PRH1: variants seen among roughly 807,000 people sequenced by gnomAD.
PRH1 encodes the protein proline rich protein HaeIII subfamily 1, also known as salivary acidic proline-rich phosphoprotein 1/2.
PRH1 carries 7 observed loss-of-function variants against 7.9 expected under a neutral mutation model. The observed-to-expected ratio is 0.89, with a 90% confidence interval of 0.50 to 1.67. PRH1 has a LOEUF of 1.67. Ranked by LOEUF, PRH1 falls within the 40% of genes most tolerant of loss-of-function variation. PRH1 has a pLI of 0.00. For synonymous variants in PRH1, 45 were observed against 80.8 expected, an observed-to-expected ratio of 0.56 and a Z score of 2.38; for missense variants, 109 against 223.6, an observed-to-expected ratio of 0.49 and a Z score of 3.27.
At chr12:10,893,019 T>G (rs867741825) in intron 2 of PRH1, among the ~76,000 whole-genome samples, 13 of 152,232 alleles carry the variant, frequency 8.5e-5, no homozygotes, top group Admixed American at 2.0e-4. Flanking sequence ...AAATCTTATA[T>G]CAATAACTGA....
chr12:10,984,082 A>C (rs1268711016), intron 1 of PRH1, among the ~76,000 whole-genome samples: 1 of 123,040 alleles, frequency 8.1e-6, no homozygotes, highest in Non-Finnish European at 1.9e-5. Flanking sequence ...GTTGGTAACT[A>C]ACTCAGTTTT....
rs546066515 is a variant in PRH1, at chr12:10,903,931, C to CAAAAAAAAAAAAAAAAA, written c.-58-19673_-58-19657dup. Among the ~76,000 whole-genome samples the CAAAAAAAAAAAAAAAAA allele has an allele frequency of 5.8e-3, 181 of 31,088 alleles. 3 individuals are homozygous for CAAAAAAAAAAAAAAAAA. The highest frequency in any genetic ancestry group is 8.5e-3 in the Non-Finnish European group (126 of 14,848). The allele number at this position is 31,088 out of a possible 152,430, so 20.4% of individuals were successfully genotyped here. A position where few individuals can be genotyped will look rare whatever the true frequency, so the allele number is the denominator to read the frequency against. On this transcript the variant is annotated intron_variant, in intron 2 of 3. Coordinates refer to the PRH1 transcript ENST00000539853. Reference sequence around the variant, plus strand: ...AATGCAATCCCATTTACAATAGCCTCAAAAAAAAAAAAAAAAAAAAAAACA... The same window carrying CAAAAAAAAAAAAAAAAA: ...AATGCAATCCCATTTACAATAGCCTCAAAAAAAAAAAAAAAAAAAAAAAAAAAAAAAAAAAAAAAACA...
intron 2 of PRH1, among the ~76,000 whole-genome samples, chr12:10,915,928 T>C (rs1949966166): frequency 6.6e-6 from 1 of 152,228 alleles, no homozygotes. Flanking sequence ...AACTTTAGTG[T>C]GCCTTAGTTG....
chr12:11,155,435 T>C (rs1947222798), intron 1 of PRH1, among the ~76,000 whole-genome samples: 1 of 152,190 alleles, frequency 6.6e-6, no homozygotes, highest in African/African-American at 2.4e-5. Flanking sequence ...ATTAGGTCAG[T>C]TGTTAAAAAT....
At position 11,156,868 on chromosome 12, in the gene PRH1, C is replaced by T. The variant is rs1170882367; in HGVS notation, n.39+14554G>A. ...AATTTTTTTTTTTTTTTTTTTTAGA[C>T]GCAGGCTTGCTCTGTCACCCAGGCT... On this transcript the variant is annotated intron_variant and non_coding_transcript_variant, in intron 1 of 1. Coordinates refer to the PRH1 transcript ENST00000541175. Among the ~76,000 whole-genome samples the T allele has an allele frequency of 3.7e-4, 51 of 139,284 alleles. 1 individual carries two copies. Among genetic ancestry groups the T allele is most frequent in the Admixed American group, 3.4e-3 (46 of 13,440 alleles). 91.4% of individuals were successfully genotyped at this position (139,284 alleles called of 152,430 possible).
intron 2 of PRH1, among the ~76,000 whole-genome samples, chr12:10,916,368 T>C (rs562402334): frequency 1.7e-4 from 26 of 152,210 alleles, no homozygotes; most frequent in African/African-American, 6.0e-4. Context: ...GTTTAACATA[T>C]TATGAGACAA....
chr12:10,917,696 G>T (rs1185732502), intron 2 of PRH1, among the ~76,000 whole-genome samples: 2 of 152,132 alleles, frequency 1.3e-5, no homozygotes, highest in East Asian at 3.9e-4. Context: ...CCCCAATTAG[G>T]AGACTAACAG....
chr12:10,889,326 T>C (rs915893812), intron 2 of PRH1, among the ~76,000 whole-genome samples: 1 of 152,246 alleles, frequency 6.6e-6, no homozygotes. Context: ...TTGAGCACTT[T>C]AAATATTTGT....
chr12:10,930,690 T>C (rs575017145), intron 2 of PRH1: 1 of 1,613,918 alleles, frequency 6.2e-7, no homozygotes, highest in East Asian at 2.2e-5. Flanking sequence ...AGTTCATAGA[T>C]GAGGAGCGTC....
chr12:10,901,067 C>T (rs1266357681), intron 2 of PRH1, among the ~76,000 whole-genome samples: 1 of 152,156 alleles, frequency 6.6e-6, no homozygotes, highest in African/African-American at 2.4e-5. Flanking sequence ...TGCTGCATAC[C>T]CTAGCATTCA....
At position 11,094,056 on chromosome 12, in the gene PRH1, G is replaced by A. The variant is rs1187909098; in HGVS notation, n.124-46868C>T. On this transcript the variant is annotated intron_variant and non_coding_transcript_variant, in intron 1 of 4. Coordinates refer to the PRH1 transcript ENST00000541977. ...CTTAGAAAAATAAAATCCAGGTCCA[G>A]TGCAGGCAAGGCTGAGGAAGGCAGA... Among the ~76,000 whole-genome samples, 5 of 113,130 alleles carry A rather than the reference G, an allele frequency of 4.4e-5. 2 individuals carry two copies. Among genetic ancestry groups the A allele is most frequent in the Non-Finnish European group, 1.0e-4 (5 of 48,270 alleles). 74.2% of individuals were successfully genotyped at this position (113,130 alleles called of 152,430 possible). A position where few individuals can be genotyped will look rare whatever the true frequency, so the allele number is the denominator to read the frequency against.
At chr12:10,896,390 G>C (rs898786124) in intron 2 of PRH1, among the ~76,000 whole-genome samples, 1 of 152,134 alleles carries the variant, frequency 6.6e-6, no homozygotes, top group Admixed American at 6.5e-5. Context: ...CACTAATGCA[G>C]ATTATTTATA....
At chr12:11,132,582 T>C (rs112945940) in intron 1 of PRH1, among the ~76,000 whole-genome samples, 10 of 99,570 alleles carry the variant, frequency 1.0e-4, no homozygotes, top group African/African-American at 3.3e-4. Flanking sequence ...ATGATCATGA[T>C]TTTTCATCCC....
chr12:11,073,510 T>C (rs1218208229), intron 1 of PRH1, among the ~76,000 whole-genome samples: 3 of 150,676 alleles, frequency 2.0e-5, no homozygotes, highest in Non-Finnish European at 4.4e-5. Context: ...ACAGTGTTTA[T>C]TGACTCTCTT....
chr12:11,149,826 C>A (rs1364421197), intron 1 of PRH1, among the ~76,000 whole-genome samples: 3 of 131,948 alleles, frequency 2.3e-5, no homozygotes, highest in East Asian at 2.0e-4. Context: ...AATGGGATCT[C>A]ATTAAACTCA....
chr12:11,022,054 T>C (rs1486249581), intron 1 of PRH1: 1 of 1,613,862 alleles, frequency 6.2e-7, no homozygotes, highest in Admixed American at 1.7e-5. Flanking sequence ...GCTTGAAAGG[T>C]GTATTGCATT....
At chr12:10,884,107 T>C in intron 1 of PRH1, 47 bp downstream of exon 1, 2 of 1,612,422 alleles carry the variant, frequency 1.2e-6, no homozygotes. Flanking sequence ...AGCATTTGCC[T>C]GTAAACCCCA....
chr12:11,127,834 C>T (rs1312521064), intron 1 of PRH1, among the ~76,000 whole-genome samples: 3 of 152,166 alleles, frequency 2.0e-5, no homozygotes, highest in Non-Finnish European at 4.4e-5. Context: ...TGGCCGGACA[C>T]GGTGGCTCAC....
At chr12:11,068,579 T>C (rs950663019) in intron 1 of PRH1, among the ~76,000 whole-genome samples, 1 of 152,174 alleles carries the variant, frequency 6.6e-6, no homozygotes, top group African/African-American at 2.4e-5. Context: ...TCTTATTTCA[T>C]ACCATACACA....
Sources: allele counts gnomAD v4.1 joint callset (sites outside exome capture counted in the v4.1 genomes callset), GRCh38; gene constraint gnomAD v4.1.1; transcripts MANE v1.5; gene names NCBI Gene and HGNC (gene_info 2026-07-23, HGNC 2026-07-21).